The following PLEKHA1 variants were observed in gnomAD, a reference collection of about 807,000 sequenced individuals.
PLEKHA1 encodes the protein pleckstrin homology domain-containing family A member 1.
In PLEKHA1, 34 loss-of-function variants were observed where a neutral mutation model predicts 52.0. The ratio of observed to expected loss-of-function variants is 0.65; its 90% CI spans 0.50 to 0.87. The LOEUF (loss-of-function observed/expected upper bound fraction) is 0.87. Ranked by LOEUF, PLEKHA1 falls within the 40% of genes least tolerant of loss-of-function variation. PLEKHA1 has a pLI of 0.00. For missense variants in PLEKHA1, 497 were observed against 504.2 expected, an observed-to-expected ratio of 0.99 and a Z score of 0.14; for synonymous variants, 163 against 170.7, an observed-to-expected ratio of 0.95 and a Z score of 0.35.
chr10:122,423,949 T>G, intron 8 of PLEKHA1: 1 of 481,770 alleles, frequency 2.1e-6, no homozygotes, highest in Non-Finnish European at 3.5e-6. Flanking sequence ...ACACTGCCCT[T>G]AAGGCCAGAA....
At chr10:122,412,888 T>A (rs112599210) in intron 5 of PLEKHA1, 32 bp from the exon 6 acceptor site, 2 of 1,610,182 alleles carry the variant, frequency 1.2e-6, no homozygotes, top group African/African-American at 2.7e-5. Context: ...TAATGCTGGT[T>A]GCAAAATGAT....
Position 122,406,641 on chromosome 10 carries a change from G to A in PLEKHA1, c.310G>A (p.Val104Ile), listed in dbSNP as rs757740700. 2 of 1,612,342 alleles carry A rather than the reference G, an allele frequency of 1.2e-6. No individual in the cohort carries two copies. Among genetic ancestry groups the A allele is most frequent in the South Asian group, 1.1e-5 (1 of 91,026 alleles). ...TGATCAGCAGGACCTAGTGGAATGGGTAAATGTGTTAAACAAAGCTATAAA... is the reference window on the plus strand; with the variant it reads ...TGATCAGCAGGACCTAGTGGAATGGATAAATGTGTTAAACAAAGCTATAAA... ...ANDQQDLVEW[V>I]NVLNKAIKIT... The change falls in exon 5 of 12, where the codon GTA becomes ATA. Residue 104 changes from valine (V) to isoleucine (I), a missense_variant. Coordinates refer to ENST00000368990, the MANE Select transcript of PLEKHA1 (RefSeq NM_001001974.4).
At chr10:122,421,606 A>G (rs186821049) in intron 8 of PLEKHA1, 15 of 152,292 alleles carry the variant, frequency 9.8e-5, no homozygotes, top group African/African-American at 3.6e-4. Context: ...TGTATTTTCA[A>G]TCCTTGTATA....
rs1310933146 is a variant in PLEKHA1, at chr10:122,427,029, T to TA, written c.898_899insA (p.Ser300TyrfsTer2). The TA allele has an allele frequency of 1.9e-6, 3 of 1,612,638 alleles. No homozygotes were observed. The highest frequency in any genetic ancestry group is 2.5e-6 in the Non-Finnish European group (3 of 1,178,792). ...GCGGGGTCCCGGCAGATCTGCGTCT[T>TA]CTGTAGGTTTCCTGCTCTCTGGGGT... On this transcript the variant is annotated frameshift_variant and splice_region_variant, in exon 11 of 12. Coordinates refer to ENST00000368990, the MANE Select transcript of PLEKHA1 (RefSeq NM_001001974.4). LOFTEE classifies it high-confidence loss of function.
At position 122,417,646 on chromosome 10, in the gene PLEKHA1, A is replaced by G. The variant is rs1178073743; in HGVS notation, c.613-254A>G. On this transcript the variant is annotated intron_variant, in intron 7 of 11. Transcript: ENST00000368990. ...GGGTGACAGAGCAAGACTCTGTCTC[A>G]AAAAAAAAAAAAAAAAACACATAAA... 5.7e-5 allele frequency among the ~76,000 whole-genome samples: 3 copies of G among 52,790 alleles called. No individual in the cohort carries two copies. The East Asian group carries it at 9.7e-4, about 17-fold the overall frequency. The allele number at this position is 52,790 out of a possible 152,430, so 34.6% of individuals were successfully genotyped here.
Position 122,430,652 on chromosome 10 carries a change from A to C in PLEKHA1, c.*714A>C, listed in dbSNP as rs534467133. 1.9e-4 allele frequency: 29 copies of C among 152,350 alleles called. No individual in the cohort carries two copies. The highest frequency in any genetic ancestry group is 6.7e-4 in the African/African-American group (28 of 41,580). The allele number at this position is 152,350 out of a possible 1,614,324, so 9.4% of individuals were successfully genotyped here. On this transcript the variant is annotated 3_prime_UTR_variant, in exon 12 of 12. Coordinates refer to ENST00000368990, the MANE Select transcript of PLEKHA1 (RefSeq NM_001001974.4). ...GCAGTCACTGCTTTATTCCGCAAAAATTATTTGGTAGGAAATTTTTGGGAG... is the reference window on the plus strand; with the variant it reads ...GCAGTCACTGCTTTATTCCGCAAAACTTATTTGGTAGGAAATTTTTGGGAG...
rs373218623 is a variant in PLEKHA1, at chr10:122,393,290, C to T, written c.90C>T (p.Phe30=). 24 of 1,612,912 alleles carry T rather than the reference C, an allele frequency of 1.5e-5. No individual in the cohort carries two copies. Among genetic ancestry groups the T allele is most frequent in the Non-Finnish European group, 1.8e-5 (21 of 1,179,524 alleles). Residue 30 remains phenylalanine, a synonymous_variant, in exon 2 of 12, where the codon TTC becomes TTT. Transcript: ENST00000368990. This position sits in a 1 kb window ranked among gnomAD's most constrained non-coding sequence, Gnocchi z 4.5. The part of the protein sequence containing the change: ...ENSGKFLRRY[F]ILDTREDSFV... ...GTGGGAAATTTCTTCGAAGGTACTTCATACTGGATACCAGAGAAGATAGTT... is the reference window on the plus strand; with the variant it reads ...GTGGGAAATTTCTTCGAAGGTACTTTATACTGGATACCAGAGAAGATAGTT...
intron 5 of PLEKHA1, among the ~76,000 whole-genome samples, chr10:122,408,973 A>T (rs114126480): frequency 0.014 from 2,188 of 152,264 alleles, 43 homozygotes; most frequent in African/African-American, 0.05. Context: ...TGGAAATCCA[A>T]AATTAGAGTT....
At chr10:122,382,708 AGTTT>A (rs1170070770) in intron 1 of PLEKHA1, among the ~76,000 whole-genome samples, 3 of 152,176 alleles carry the variant, frequency 2.0e-5, no homozygotes, top group South Asian at 2.1e-4. Flanking sequence ...TATTGTACAC[AGTTT>A]GTTCTTTTGT....
chr10:122,398,068 A>T, intron 3 of PLEKHA1, 94 bp downstream of exon 3: 2 of 985,904 alleles, frequency 2.0e-6, no homozygotes, highest in South Asian at 3.2e-5. Flanking sequence ...CATGTCCTTT[A>T]ACAGTGATGT....
Position 122,430,271 on chromosome 10 carries a change from A to C in PLEKHA1, c.*333A>C, listed in dbSNP as rs1425676506. The C allele has an allele frequency of 5.3e-6, 1 of 189,074 alleles. No homozygotes were observed. The highest frequency in any genetic ancestry group is 1.1e-5 in the Non-Finnish European group (1 of 92,640). 11.7% of individuals were successfully genotyped at this position (189,074 alleles called of 1,614,324 possible). A position where few individuals can be genotyped will look rare whatever the true frequency, so the allele number is the denominator to read the frequency against. On this transcript the variant is annotated 3_prime_UTR_variant, in exon 12 of 12. Coordinates refer to ENST00000368990, the MANE Select transcript of PLEKHA1 (RefSeq NM_001001974.4). Reference sequence around the variant, plus strand: ...TAAATGTTTAACAACTTAAAGCATTAAAAATGCTTATTAATAACTTTGGTC... The same window carrying C: ...TAAATGTTTAACAACTTAAAGCATTCAAAATGCTTATTAATAACTTTGGTC...
chr10:122,429,527 TGTG>T, intron 11 of PLEKHA1, 94 bp from the exon 12 acceptor site: 1 of 907,136 alleles, frequency 1.1e-6, no homozygotes, highest in Admixed American at 2.3e-5. Context: ...TGTGTGTGTG[TGTG>T]TTTTATTTGT....
intron 8 of PLEKHA1, chr10:122,419,271 ACT>A (rs1269657387): frequency 2.0e-5 from 3 of 151,970 alleles, no homozygotes; most frequent in South Asian, 2.1e-4. Flanking sequence ...AAGGGTAAAG[ACT>A]CTTGTAGTCT....
chr10:122,420,781 G>A (rs576000745), intron 8 of PLEKHA1: 1 of 152,294 alleles, frequency 6.6e-6, no homozygotes, highest in South Asian at 2.1e-4. Context: ...CATCCAAGAG[G>A]AACCAGTGTA....
chr10:122,376,570 G>A (rs1489952827), intron 1 of PLEKHA1, among the ~76,000 whole-genome samples: 14 of 150,902 alleles, frequency 9.3e-5, no homozygotes, highest in African/African-American at 3.4e-4. Context: ...GCGCGGGCGC[G>A]CGCAGAGCTT....
At position 122,424,965 on chromosome 10, in the gene PLEKHA1, A is replaced by C; in HGVS notation, c.810+6A>C. 2 of 1,602,358 alleles carry C rather than the reference A, an allele frequency of 1.2e-6. No individual in the cohort carries two copies. The highest frequency in any genetic ancestry group is 1.7e-6 in the Non-Finnish European group (2 of 1,173,810). On this transcript the variant is annotated splice_donor_region_variant and intron_variant, in intron 10 of 11. Transcript: ENST00000368990. ...CTCGAACTTTCTATGTGCAGGTAAG[A>C]TGCTTATTTGGCAATTAATAGATCC...
rs181359492 is a variant in PLEKHA1 at position 122,402,692 on chromosome 10, C to T, written c.244+2304C>T. On this transcript the variant is annotated intron_variant, in intron 4 of 11. Transcript: ENST00000368990. ...ATCTGTATCAGAAACAACCTCTGTT[C>T]CCTACCTCCAATCGGGCAGACACCC... is the stretch of plus-strand genomic sequence containing the variant. 1.5e-4 allele frequency among the ~76,000 whole-genome samples: 23 copies of T among 152,300 alleles called. No homozygotes were observed. The East Asian group carries it at 4.2e-3, about 28-fold the overall frequency.
Position 122,399,578 on chromosome 10 carries a change from ATTTTT to A in PLEKHA1, c.199-764_199-760del, listed in dbSNP as rs1400063893. 5.5e-5 allele frequency among the ~76,000 whole-genome samples: 4 copies of A among 72,672 alleles called. No homozygotes were observed. The Admixed American group carries it at 6.8e-4, about 12-fold the overall frequency. 47.7% of individuals were successfully genotyped at this position (72,672 alleles called of 152,430 possible). On this transcript the variant is annotated intron_variant, in intron 3 of 11. Coordinates refer to ENST00000368990, the MANE Select transcript of PLEKHA1 (RefSeq NM_001001974.4). The stretch of plus-strand genomic sequence containing the variant: ...TTAAATGCCTGGATTTGTGGACTTT[ATTTTT>A]ATTTTTATTTTTATTTTTTGAGATG...
At chr10:122,394,803 CAT>C (rs1201503974) in intron 2 of PLEKHA1, among the ~76,000 whole-genome samples, 1 of 152,138 alleles carries the variant, frequency 6.6e-6, no homozygotes. Context: ...GTCTGGTTGA[CAT>C]ATGTATGGTT....
Sources: gnomAD v4.1 joint callset for allele counts (sites outside exome capture counted in the v4.1 genomes callset) on GRCh38, gnomAD v4.1.1 for gene constraint, Gnocchi (gnomAD v3.1) non-coding constraint, MANE v1.5 for transcripts, NCBI Gene and HGNC (gene_info 2026-07-23, HGNC 2026-07-21) for gene names.